The following NUF2 variants were observed in gnomAD, a reference collection of about 807,000 sequenced individuals.
NUF2 encodes kinetochore protein Nuf2.
NUF2 carries 34 observed loss-of-function variants against 61.8 expected under a neutral mutation model. The ratio of observed to expected loss-of-function variants is 0.55; its 90% CI spans 0.42 to 0.73. NUF2 has a LOEUF of 0.73. Ranked by LOEUF, NUF2 falls within the 30% of genes least tolerant of loss-of-function variation. NUF2 has a pLI of 0.00. For missense variants in NUF2, 445 were observed against 539.1 expected, an observed-to-expected ratio of 0.83 and a Z score of 1.73; for synonymous variants, 172 against 181.6, an observed-to-expected ratio of 0.95 and a Z score of 0.42.
In NUF2 at chr1:163,347,772, T is replaced by C. The variant is rs1343761638; in HGVS notation, c.958T>C (p.Leu320=). 4 of 1,566,430 alleles carry C rather than the reference T, an allele frequency of 2.6e-6. No individual in the cohort carries two copies. The highest frequency in any genetic ancestry group is 3.4e-6 in the Non-Finnish European group (4 of 1,159,832). The part of the protein sequence containing the change: ...LASILKESLN[L]EDQIESDESE... ...TTCTTATAAAATACAGAGCCTGAACTTGGAGGACCAAATTGAGAGTGATGA... is the reference window on the plus strand; with the variant it reads ...TTCTTATAAAATACAGAGCCTGAACCTGGAGGACCAAATTGAGAGTGATGA... The change falls in exon 12 of 14, where the codon TTG becomes CTG. Residue 320 remains leucine (L), a synonymous_variant. Coordinates refer to ENST00000271452, the MANE Select transcript of NUF2 (RefSeq NM_145697.3).
At chr1:163,333,380 C>T (rs1250363320) in intron 5 of NUF2, among the ~76,000 whole-genome samples, 2 of 151,950 alleles carry the variant, frequency 1.3e-5, no homozygotes, top group African/African-American at 2.4e-5. Flanking sequence ...GTCTTTTAAT[C>T]GGAGTCTTAG....
At chr1:163,340,524 T>C in intron 9 of NUF2, 98 bp downstream of exon 9, 19 of 738,206 alleles carry the variant, frequency 2.6e-5, no homozygotes, top group South Asian at 6.1e-5. Flanking sequence ...TGTTTCTCCC[T>C]TTTTCCCTTC....
chr1:163,332,582 C>A (rs1463283661), intron 5 of NUF2, among the ~76,000 whole-genome samples: 1 of 152,068 alleles, frequency 6.6e-6, no homozygotes, highest in African/African-American at 2.4e-5. Flanking sequence ...GAGTCAGTTT[C>A]TTTGCCTTTT....
chr1:163,340,792 C>A (rs1414413785), intron 9 of NUF2, among the ~76,000 whole-genome samples: 1 of 152,012 alleles, frequency 6.6e-6, no homozygotes, highest in African/African-American at 2.4e-5. Context: ...TTAAATAGAT[C>A]CTCATTATAT....
At chr1:163,350,288 C>A (rs1372274270) in intron 13 of NUF2, among the ~76,000 whole-genome samples, 1 of 149,178 alleles carries the variant, frequency 6.7e-6, no homozygotes, top group Admixed American at 6.7e-5. Flanking sequence ...GGCGACAGAG[C>A]AAGACTCCGT....
intron 9 of NUF2, among the ~76,000 whole-genome samples, chr1:163,341,135 C>T (rs1425923979): frequency 5.3e-5 from 8 of 152,082 alleles, no homozygotes; most frequent in Non-Finnish European, 1.2e-4. Context: ...CTTGCCAAAA[C>T]TGGATGTTTT....
chr1:163,330,769 A>G (rs979361707), intron 5 of NUF2, among the ~76,000 whole-genome samples: 1 of 152,088 alleles, frequency 6.6e-6, no homozygotes, highest in Non-Finnish European at 1.5e-5. Context: ...TTCAGAGTGC[A>G]GACCTTGTAT....
intron 13 of NUF2, among the ~76,000 whole-genome samples, chr1:163,352,849 G>C (rs1651368543): frequency 1.3e-5 from 2 of 151,630 alleles, no homozygotes; most frequent in African/African-American, 4.8e-5. Context: ...CTGGGCGACA[G>C]AGCGAGACTC....
At chr1:163,327,592 G>A in intron 3 of NUF2, 30 bp downstream of exon 3, 1 of 1,351,750 alleles carries the variant, frequency 7.4e-7, no homozygotes, top group South Asian at 1.2e-5. Context: ...AAATTATGGG[G>A]TTTTTTTTGT....
chr1:163,345,993 G>A (rs1651111972), intron 11 of NUF2, 175 bp downstream of exon 11: 3 of 445,002 alleles, frequency 6.7e-6, no homozygotes, highest in East Asian at 7.1e-5. Context: ...AAACATAGCA[G>A]TAGCAAGACC....
intron 13 of NUF2, 126 bp downstream of exon 13, chr1:163,349,206 C>T (rs552610542): frequency 5.5e-6 from 4 of 733,886 alleles, no homozygotes; most frequent in East Asian, 5.6e-5. Context: ...AAATTATTTA[C>T]TCTTTATTCT....
intron 2 of NUF2, among the ~76,000 whole-genome samples, chr1:163,326,397 G>A (rs1448167655): frequency 4.9e-5 from 5 of 102,370 alleles, no homozygotes; most frequent in African/African-American, 1.6e-4. Flanking sequence ...TAATATAGTC[G>A]TTTTCTTAAA....
chr1:163,339,907 G>T (rs35312491), intron 8 of NUF2, among the ~76,000 whole-genome samples: 12 of 151,822 alleles, frequency 7.9e-5, no homozygotes, highest in Non-Finnish European at 1.5e-5. Context: ...TCATATCCTT[G>T]TGCAGCTGGG....
rs763324572 is a variant in NUF2 at position 163,327,439 on chromosome 1, T to C, written c.124-49T>C. On this transcript the variant is annotated intron_variant, in intron 2 of 13. Coordinates refer to ENST00000271452, the MANE Select transcript of NUF2 (RefSeq NM_145697.3). ...TTGTATGGTAATGATGATAGTGACA[T>C]AGCTTTAGAGTTATGCATCGGAGTA... 49 of 953,128 alleles carry C rather than the reference T, an allele frequency of 5.1e-5. 1 individual carries two copies. The Middle Eastern group carries it at 6.3e-4, about 12-fold the overall frequency. The allele number at this position is 953,128 out of a possible 1,614,324, so 59.0% of individuals were successfully genotyped here.
At chr1:163,323,650 T>C (rs1351565730) in intron 1 of NUF2, among the ~76,000 whole-genome samples, 1 of 151,838 alleles carries the variant, frequency 6.6e-6, no homozygotes, top group Non-Finnish European at 1.5e-5. Flanking sequence ...GCCTGGGAGG[T>C]CGAGGCTGCA....
intron 1 of NUF2, among the ~76,000 whole-genome samples, chr1:163,324,178 G>T (rs1650336641): frequency 1.3e-5 from 2 of 152,312 alleles, no homozygotes; most frequent in African/African-American, 4.8e-5. Flanking sequence ...TTACTTTAAA[G>T]AAGGGAGGGC....
intron 5 of NUF2, among the ~76,000 whole-genome samples, chr1:163,333,495 C>A (rs1650663577): frequency 6.6e-6 from 1 of 151,584 alleles, no homozygotes; most frequent in African/African-American, 2.4e-5. Context: ...TCTCCATTTC[C>A]TGCCTTATTT....
chr1:163,336,275 T>A (rs1433450980), intron 5 of NUF2, among the ~76,000 whole-genome samples: 1 of 152,208 alleles, frequency 6.6e-6, no homozygotes, highest in African/African-American at 2.4e-5. Context: ...TCCTAGTTGC[T>A]TTGGCTTCTG....
At chr1:163,326,264 C>T in intron 2 of NUF2, 90 bp downstream of exon 2, 2 of 1,198,494 alleles carry the variant, frequency 1.7e-6, no homozygotes, top group Non-Finnish European at 2.3e-6. Flanking sequence ...AGGGATATGG[C>T]CTCCTATTTG....
Sources: gnomAD v4.1 joint callset for allele counts (sites outside exome capture counted in the v4.1 genomes callset) on GRCh38, gnomAD v4.1.1 for gene constraint, MANE v1.5 for transcripts, NCBI Gene and HGNC (gene_info 2026-07-23, HGNC 2026-07-21) for gene names.